The following B3GALNT1 variants were observed in gnomAD, a reference collection of about 807,000 sequenced individuals.
B3GALNT1 encodes the protein beta-1,3-N-acetylgalactosaminyltransferase 1 (Globoside blood group).
A neutral mutation model predicts 27.3 loss-of-function variants in B3GALNT1; 17 were observed. The ratio of observed to expected loss-of-function variants is 0.62; its 90% CI spans 0.43 to 0.94. The LOEUF is 0.94. B3GALNT1 is among the 40% of genes least tolerant of loss of function. B3GALNT1 has a pLI of 0.00. For missense variants in B3GALNT1, 347 were observed against 390.0 expected, an observed-to-expected ratio of 0.89 and a Z score of 0.93; for synonymous variants, 141 against 144.0, an observed-to-expected ratio of 0.98 and a Z score of 0.15.
rs1002788960 is a variant in B3GALNT1 at position 161,084,411 on chromosome 3, G to T, written c.*1348C>A. 6.6e-6 allele frequency: 1 copy of T among 152,156 alleles called. No homozygotes were observed. The highest frequency in any genetic ancestry group is 2.1e-4 in the South Asian group (1 of 4,834). The allele number at this position is 152,156 out of a possible 1,614,324, so 9.4% of individuals were successfully genotyped here. A position where few individuals can be genotyped will look rare whatever the true frequency, so the allele number is the denominator to read the frequency against. ...CATAAATATGAGTATTACAAGAGCTGACTACATACTTTCAAGTTTATATTT... is the reference window on the plus strand; with the variant it reads ...CATAAATATGAGTATTACAAGAGCTTACTACATACTTTCAAGTTTATATTT... On this transcript the variant is annotated 3_prime_UTR_variant, in exon 5 of 5. Transcript: ENST00000320474.
chr3:161,099,809 AACAC>A (rs149223798), intron 4 of B3GALNT1, among the ~76,000 whole-genome samples: 3 of 148,968 alleles, frequency 2.0e-5, no homozygotes, highest in African/African-American at 4.9e-5. Context: ...CCCCTTCTCT[AACAC>A]ACACACACAC....
At chr3:161,101,069 T>G in intron 4 of B3GALNT1, 70 bp downstream of exon 4, 1 of 1,198,550 alleles carries the variant, frequency 8.3e-7, no homozygotes, top group Non-Finnish European at 1.1e-6. Context: ...GAGACCAACC[T>G]CACATCTAAT....
Position 161,104,400 on chromosome 3 carries a change from A to G in B3GALNT1, c.-302T>C, listed in dbSNP as rs866045079. 90 of 1,274,866 alleles carry G rather than the reference A, an allele frequency of 7.1e-5. No homozygotes were observed. The Middle Eastern group carries it at 7.3e-3, about 103-fold the overall frequency. 79.0% of individuals were successfully genotyped at this position (1,274,866 alleles called of 1,614,324 possible). A position where few individuals can be genotyped will look rare whatever the true frequency, so the allele number is the denominator to read the frequency against. ...CACAACGCAGCCACCTCCTAAACGC[A>G]GGCAATCTGTGCAAAACGCAGAGGA... is the stretch of plus-strand genomic sequence containing the variant. On this transcript the variant is annotated 5_prime_UTR_variant, in exon 2 of 5. Transcript: ENST00000320474.
At chr3:161,090,583 A>C (rs1040474622) in intron 4 of B3GALNT1, among the ~76,000 whole-genome samples, 12 of 152,150 alleles carry the variant, frequency 7.9e-5, no homozygotes, top group African/African-American at 2.7e-4. Flanking sequence ...AAACACTTAA[A>C]AAATTTAAAA....
chr3:161,092,763 CTTTT>C (rs33946641), intron 4 of B3GALNT1, among the ~76,000 whole-genome samples: 12 of 104,832 alleles, frequency 1.1e-4, no homozygotes, highest in African/African-American at 3.8e-4. Flanking sequence ...TTTCATTTTT[CTTTT>C]TTTTTTTTTT....
intron 4 of B3GALNT1, among the ~76,000 whole-genome samples, chr3:161,089,658 C>T (rs565356574): frequency 9.9e-5 from 15 of 151,172 alleles, no homozygotes; most frequent in Non-Finnish European, 1.3e-4. Context: ...GGTAGGAAAA[C>T]GGGAAATAAA....
At chr3:161,097,885 T>C (rs549789009) in intron 4 of B3GALNT1, among the ~76,000 whole-genome samples, 15 of 152,344 alleles carry the variant, frequency 9.8e-5, no homozygotes, top group African/African-American at 3.6e-4. Context: ...CTTTGGAGCA[T>C]ACAGCTGGAC....
chr3:161,088,998 T>C (rs1319261875), intron 4 of B3GALNT1, among the ~76,000 whole-genome samples: 2 of 152,114 alleles, frequency 1.3e-5, no homozygotes, highest in African/African-American at 4.8e-5. Flanking sequence ...GAGGAGAAAC[T>C]ATCTAGTCCA....
chr3:161,085,055 G>A lies in B3GALNT1; in HGVS notation c.*704C>T, dbSNP rs1170120513. On this transcript the variant is annotated 3_prime_UTR_variant, in exon 5 of 5. Coordinates refer to ENST00000320474, the MANE Select transcript of B3GALNT1 (RefSeq NM_003781.4). ...ATTTAACAAAGTCCAAGAGATTACT[G>A]ATATGCAATAATGACCTATGACTTT... The A allele has an allele frequency of 6.6e-6, 1 of 152,148 alleles. No individual in the cohort carries two copies. 9.4% of individuals were successfully genotyped at this position (152,148 alleles called of 1,614,324 possible).
intron 4 of B3GALNT1, among the ~76,000 whole-genome samples, chr3:161,099,782 G>C (rs765776786): frequency 2.0e-5 from 3 of 151,840 alleles, no homozygotes; most frequent in Non-Finnish European, 4.4e-5. Flanking sequence ...CTCTACAAGT[G>C]AATACTAGAT....
At chr3:161,102,499 G>C (rs1731893018) in intron 3 of B3GALNT1, among the ~76,000 whole-genome samples, 1 of 152,036 alleles carries the variant, frequency 6.6e-6, no homozygotes, top group Admixed American at 6.6e-5. Context: ...TCTTCCCCTA[G>C]CCTCTAATTC....
chr3:161,090,535 C>T (rs2108267615), intron 4 of B3GALNT1, among the ~76,000 whole-genome samples: 1 of 152,124 alleles, frequency 6.6e-6, no homozygotes, highest in Admixed American at 6.5e-5. Context: ...CATTCTCTAA[C>T]CACAGCATAA....
intron 4 of B3GALNT1, among the ~76,000 whole-genome samples, chr3:161,098,674 C>G (rs1304946776): frequency 6.6e-6 from 1 of 152,194 alleles, no homozygotes; most frequent in Admixed American, 6.5e-5. Context: ...CATGCTCACC[C>G]AGTTTTCAAC....
chr3:161,097,834 A>T (rs938763313), intron 4 of B3GALNT1, among the ~76,000 whole-genome samples: 1 of 152,186 alleles, frequency 6.6e-6, no homozygotes. Context: ...GGCTACTTTG[A>T]GGATTGTGCA....
chr3:161,085,723 T>A lies in B3GALNT1; in HGVS notation c.*36A>T. 6.2e-7 allele frequency: 1 copy of A among 1,607,832 alleles called. No individual in the cohort carries two copies. Among genetic ancestry groups the A allele is most frequent in the Non-Finnish European group, 8.5e-7 (1 of 1,174,304 alleles). ...ACTTTATTTAACACTTTCCACAAAG[T>A]ATCCTGTCCTTCTAGGCTTTTTGTA... is the stretch of plus-strand genomic sequence containing the variant. On this transcript the variant is annotated 3_prime_UTR_variant, in exon 5 of 5. Coordinates refer to ENST00000320474, the MANE Select transcript of B3GALNT1 (RefSeq NM_003781.4).
In B3GALNT1 at chr3:161,085,883, A is replaced by G; in HGVS notation, c.872T>C (p.Phe291Ser). ...IHIPEDTNLFFLYRIHLDVCQ... is the reference protein window; with the variant it reads ...IHIPEDTNLFSLYRIHLDVCQ... ...GACATCCAAATGGATTCTATATAGA[A>G]AGAAAAGATTTGTGTCTTCTGGAAT... The change falls in exon 5 of 5, where the codon TTT becomes TCT. Residue 291 changes from phenylalanine (F) to serine (S), a missense_variant. Physicochemically the swap from Phe to Ser is radical, Grantham distance 155. Coordinates refer to ENST00000320474, the MANE Select transcript of B3GALNT1 (RefSeq NM_003781.4). 6.2e-7 allele frequency: 1 copy of G among 1,613,748 alleles called. No homozygotes were observed. The highest frequency in any genetic ancestry group is 2.2e-5 in the East Asian group (1 of 44,870).
intron 4 of B3GALNT1, among the ~76,000 whole-genome samples, chr3:161,100,093 TGTAA>T (rs886351953): frequency 6.6e-6 from 1 of 152,172 alleles, no homozygotes; most frequent in African/African-American, 2.4e-5. Flanking sequence ...TAATAAAATA[TGTAA>T]GTATCACTCC....
chr3:161,086,840 T>A, intron 4 of B3GALNT1, 52 bp from the exon 5 acceptor site: 1 of 1,524,114 alleles, frequency 6.6e-7, no homozygotes, highest in Non-Finnish European at 8.9e-7. Context: ...AAACACATTT[T>A]CAAAAGACAT....
At chr3:161,092,124 C>T (rs1468686444) in intron 4 of B3GALNT1, among the ~76,000 whole-genome samples, 1 of 152,064 alleles carries the variant, frequency 6.6e-6, no homozygotes, top group East Asian at 1.9e-4. Flanking sequence ...TAATGTTTAA[C>T]TGGAATCTAA....
Sources: gnomAD v4.1 joint callset for allele counts (sites outside exome capture counted in the v4.1 genomes callset) on GRCh38, gnomAD v4.1.1 for gene constraint, MANE v1.5 for transcripts, NCBI Gene and HGNC (gene_info 2026-07-23, HGNC 2026-07-21) for gene names.